Variants in HK2 observed in about 807,000 individuals in gnomAD.
The protein encoded by HK2 is hexokinase-2.
A neutral mutation model predicts 92.9 loss-of-function variants in HK2; 42 were observed. The ratio of observed to expected loss-of-function variants is 0.45; its 90% CI spans 0.35 to 0.58. The LOEUF is 0.58. Ranked by LOEUF, HK2 falls within the 20% of genes least tolerant of loss-of-function variation. HK2 has a pLI of 0.00. For missense variants in HK2, 978 were observed against 1,245.1 expected (o/e 0.79, Z 3.23); for synonymous variants, 422 against 468.0 (o/e 0.90, Z 1.27).
intron 12 of HK2, among the ~76,000 whole-genome samples, chr2:74,883,757 T>C (rs1387685148): frequency 6.6e-6 from 1 of 152,252 alleles, no homozygotes; most frequent in Non-Finnish European, 1.5e-5. Flanking sequence ...ATGCCTCATG[T>C]GGACAAATTC....
chr2:74,882,055 GC>G lies in HK2; in HGVS notation c.1720-62del, dbSNP rs1322609887. ...AAAGAAACATTGATGTTGTGCGCAG[GC>G]CCTACTGGGGGCAGCCTGCCCTGCC... On this transcript the variant is annotated intron_variant, in intron 11 of 17. Coordinates refer to ENST00000290573, the MANE Select transcript of HK2 (RefSeq NM_000189.5). 2.6e-5 allele frequency: 40 copies of G among 1,519,888 alleles called. No individual in the cohort carries two copies. In the East Asian group the frequency reaches 8.8e-4, roughly 33 times the overall value. The allele number at this position is 1,519,888 out of a possible 1,614,324, so 94.2% of individuals were successfully genotyped here. A position where few individuals can be genotyped will look rare whatever the true frequency, so the allele number is the denominator to read the frequency against.
At position 74,880,582 on chromosome 2, in the gene HK2, G is replaced by T. The variant is rs1387707070; in HGVS notation, c.1570+13G>T. On this transcript the variant is annotated intron_variant, in intron 10 of 17. Transcript: ENST00000290573. ...CCGGACGGCACAGGTACACGGCAGG[G>T]TTGCCACCTGGCTCACATGGTGGGC... 1 of 1,611,394 alleles carries T rather than the reference G, an allele frequency of 6.2e-7. No individual in the cohort carries two copies. Among genetic ancestry groups the T allele is most frequent in the South Asian group, 1.1e-5 (1 of 90,826 alleles).
Position 74,873,898 on chromosome 2 carries a change from A to T in HK2, c.646A>T (p.Thr216Ser). Residue 216 changes from threonine to serine, a missense_variant, in exon 6 of 18, where the codon ACC becomes TCC. Transcript: ENST00000290573. ...GAATGACACAGTTGGGACCATGATG[A>T]CCTGTGGTTATGATGACCACAACTG... ...VVNDTVGTMM[T>S]CGYDDHNCEI... 1.2e-6 allele frequency: 2 copies of T among 1,613,998 alleles called. No homozygotes were observed. Among genetic ancestry groups the T allele is most frequent in the South Asian group, 2.2e-5 (2 of 91,072 alleles).
Position 74,878,286 on chromosome 2 carries a change from C to G in HK2, c.1032-402C>G, listed in dbSNP as rs536853505. On this transcript the variant is annotated intron_variant, in intron 8 of 17. Coordinates refer to ENST00000290573, the MANE Select transcript of HK2 (RefSeq NM_000189.5). ...GACAGCAGAGACACTGTCTGTCTCC[C>G]CTAACACAAGCAGATGTAACACAAA... Among the ~76,000 whole-genome samples, 15 of 152,290 alleles carry G rather than the reference C, an allele frequency of 9.8e-5. No homozygotes were observed. The South Asian group carries it at 3.1e-3, about 32-fold the overall frequency.
chr2:74,863,230 C>A (rs1314702642), intron 2 of HK2, among the ~76,000 whole-genome samples: 5 of 152,180 alleles, frequency 3.3e-5, no homozygotes, highest in Non-Finnish European at 7.3e-5. Flanking sequence ...TTACGTGTTC[C>A]ACACCCCTCC....
At chr2:74,844,098 A>G (rs1177401110) in intron 1 of HK2, among the ~76,000 whole-genome samples, 1 of 152,254 alleles carries the variant, frequency 6.6e-6, no homozygotes, top group Non-Finnish European at 1.5e-5. Context: ...AGCTGCTGGG[A>G]CAACTATGTT....
chr2:74,846,012 T>G (rs1052783363), intron 1 of HK2, among the ~76,000 whole-genome samples: 69 of 152,354 alleles, frequency 4.5e-4, no homozygotes, highest in African/African-American at 1.7e-3. Context: ...GTTAGGGCAC[T>G]CGGCTGGTCA....
At chr2:74,852,334 A>G (rs28362972) in intron 1 of HK2, among the ~76,000 whole-genome samples, 4,636 of 152,224 alleles carry the variant, frequency 0.03, 211 homozygotes, top group African/African-American at 0.1. Context: ...TTGGATCTGG[A>G]GTGGGAAGCC....
Position 74,880,544 on chromosome 2 carries a change from C to T in HK2, c.1545C>T (p.Tyr515=), listed in dbSNP as rs28363033. The change falls in exon 10 of 18, where the codon TAC becomes TAT. Residue 515 remains tyrosine (Y), a synonymous_variant. Transcript: ENST00000290573. Reference sequence around the variant, plus strand: ...CCCCCGTCAAGATGCTGCCCACCTACGTGTGTGCTACCCCGGACGGCACAG... The same window carrying T: ...CCCCCGTCAAGATGCTGCCCACCTATGTGTGTGCTACCCCGGACGGCACAG... ...ASAPVKMLPT[Y]VCATPDGTEK... The T allele has an allele frequency of 1.8e-3, 2,978 of 1,614,102 alleles. 39 individuals carry two copies. In the African/African-American group the frequency reaches 0.034, roughly 19 times the overall value.
intron 13 of HK2, among the ~76,000 whole-genome samples, chr2:74,885,845 AACACAC>A (rs71406901): frequency 0.024 from 3,109 of 129,114 alleles, 33 homozygotes; most frequent in South Asian, 0.037. Context: ...AGAGCTGTGA[AACACAC>A]ACACACACAC....
intron 9 of HK2, among the ~76,000 whole-genome samples, chr2:74,879,948 G>A (rs1689340270): frequency 6.6e-6 from 1 of 152,242 alleles, no homozygotes; most frequent in Non-Finnish European, 1.5e-5. Context: ...ACCATGTTGG[G>A]CAAGGGAGCA....
In HK2 at chr2:74,872,397, G is replaced by T. The variant is rs770490658; in HGVS notation, c.473G>T (p.Cys158Phe). Residue 158 changes from cysteine (C) to phenylalanine (F), a missense_variant, in exon 4 of 18, where the codon TGC (cysteine) becomes TTC (phenylalanine). Around this residue, in one of 3 missense-constraint regions of HK2, gnomAD observed 189 missense variants for 289.5 expected, o/e 0.65. Coordinates refer to ENST00000290573, the MANE Select transcript of HK2 (RefSeq NM_000189.5). Reference protein sequence around the residue: ...LPLGFTFSFPCHQTKLDESFL... With the variant: ...LPLGFTFSFPFHQTKLDESFL... ...CTGGGTTTTACCTTCTCGTTCCCCT[G>T]CCACCAGACTAAACTAGACGAGGTA... 1 of 1,614,022 alleles carries T rather than the reference G, an allele frequency of 6.2e-7. No individual in the cohort carries two copies. The highest frequency in any genetic ancestry group is 1.1e-5 in the South Asian group (1 of 91,086).
At chr2:74,846,271 TTGAC>T (rs1362102388) in intron 1 of HK2, among the ~76,000 whole-genome samples, 1 of 152,236 alleles carries the variant, frequency 6.6e-6, no homozygotes, top group Admixed American at 6.5e-5. Context: ...CTTTGGCTCT[TTGAC>T]TGTGTATAGT....
intron 1 of HK2, chr2:74,835,225 CG>C (rs1688129935): frequency 5.8e-6 from 1 of 172,300 alleles, no homozygotes; most frequent in African/African-American, 2.4e-5. Flanking sequence ...GCCCCCTCCC[CG>C]GAACTGTGGC....
At chr2:74,873,417 C>G (rs372795956) in intron 5 of HK2, 46 bp downstream of exon 5, 15 of 1,339,162 alleles carry the variant, frequency 1.1e-5, no homozygotes, top group Non-Finnish European at 1.6e-5. Context: ...TTTTCTGGGT[C>G]CACCCTGAAG....
rs546295565 is a variant in HK2, at chr2:74,839,289, C to T, written c.63+4646C>T. ...CCATGGGTGGGGCTGGAGTTAGAGCCTCAAGGAACCTTGGCACATTTTGGA... is the reference window on the plus strand; with the variant it reads ...CCATGGGTGGGGCTGGAGTTAGAGCTTCAAGGAACCTTGGCACATTTTGGA... On this transcript the variant is annotated intron_variant, in intron 1 of 17. Coordinates refer to ENST00000290573, the MANE Select transcript of HK2 (RefSeq NM_000189.5). Among the ~76,000 whole-genome samples the T allele has an allele frequency of 2.0e-5, 3 of 152,146 alleles. No homozygotes were observed. In the South Asian group the frequency reaches 6.2e-4, roughly 31 times the overall value.
At chr2:74,870,498 C>T (rs1289589419) in intron 3 of HK2, among the ~76,000 whole-genome samples, 2 of 143,312 alleles carry the variant, frequency 1.4e-5, no homozygotes, top group African/African-American at 5.7e-5. Flanking sequence ...CCTTCTAACC[C>T]CCACCTCCAG....
chr2:74,886,037 A>G (rs1187753638), intron 13 of HK2, among the ~76,000 whole-genome samples: 1 of 152,066 alleles, frequency 6.6e-6, no homozygotes, highest in Admixed American at 6.5e-5. Context: ...TTTAAAAAAA[A>G]AAAAGAAAGA....
At chr2:74,868,366 A>G (rs959547829) in intron 3 of HK2, among the ~76,000 whole-genome samples, 3 of 152,048 alleles carry the variant, frequency 2.0e-5, no homozygotes, top group African/African-American at 4.8e-5. Flanking sequence ...TGCCACTCCT[A>G]TGCCTGCACC....
Sources: gnomAD v4.1 joint callset for allele counts (sites outside exome capture counted in the v4.1 genomes callset) on GRCh38, gnomAD v4.1.1 for gene constraint, gnomAD v4.1.1 regional missense constraint, MANE v1.5 for transcripts, NCBI Gene and HGNC (gene_info 2026-07-23, HGNC 2026-07-21) for gene names.